TNFAIP2: variants seen among roughly 807,000 people sequenced by gnomAD.
TNFAIP2 encodes tumor necrosis factor alpha-induced protein 2.
Under a neutral mutation model 63.5 loss-of-function variants are expected in TNFAIP2, and 47 were observed. The ratio of observed to expected loss-of-function variants is 0.74; its 90% CI spans 0.59 to 0.94. TNFAIP2 has a LOEUF of 0.94. TNFAIP2 is among the 40% of genes least tolerant of loss of function. TNFAIP2 has a pLI of 0.00. For synonymous variants in TNFAIP2, 405 were observed against 390.2 expected (o/e 1.04, Z -0.45); for missense variants, 787 against 850.2 (o/e 0.93, Z 0.92).
At chr14:103,130,519 C>A in intron 6 of TNFAIP2, 104 bp downstream of exon 6, 1 of 1,071,588 alleles carries the variant, frequency 9.3e-7, no homozygotes, top group South Asian at 1.4e-5. Flanking sequence ...CCGCCCTCTA[C>A]CCCTGTCCCT....
At chr14:103,134,692 A>G (rs2088060461) in intron 11 of TNFAIP2, among the ~76,000 whole-genome samples, 1 of 151,302 alleles carries the variant, frequency 6.6e-6, no homozygotes, top group Non-Finnish European at 1.5e-5. Flanking sequence ...CCATCTACCT[A>G]TGCCACCAAC....
upstream of TNFAIP2, among the ~76,000 whole-genome samples, chr14:103,121,679 C>T (rs1014162462): frequency 6.6e-6 from 1 of 152,246 alleles, no homozygotes; most frequent in Non-Finnish European, 1.5e-5. Flanking sequence ...GCAGCAGCCT[C>T]GTTTCCCAAT....
chr14:103,132,908 G>A (rs771455886), intron 9 of TNFAIP2, 36 bp downstream of exon 9: 3 of 1,611,478 alleles, frequency 1.9e-6, no homozygotes, highest in Non-Finnish European at 1.7e-6. Flanking sequence ...GGGTCTTGGG[G>A]AGTTGGGGGC....
intron 9 of TNFAIP2, 58 bp downstream of exon 9, chr14:103,132,930 G>A (rs763169213): frequency 3.3e-5 from 53 of 1,601,730 alleles, no homozygotes; most frequent in Admixed American, 5.2e-5. Flanking sequence ...GCCCGGACAC[G>A]CACACTAGCA....
Position 103,135,706 on chromosome 14 carries a change from C to T in TNFAIP2, c.*346C>T. On this transcript the variant is annotated 3_prime_UTR_variant, in exon 12 of 12. Transcript: ENST00000560869. This position sits in a 1 kb window ranked among gnomAD's most constrained non-coding sequence, Gnocchi z 7.6. The stretch of plus-strand genomic sequence containing the variant: ...CCCCGGACACCTCTGTCCAGAGCCC[C>T]TCCACAGTCGGCCTCATGACTGTCC... 1 of 1,248,864 alleles carries T rather than the reference C, an allele frequency of 8.0e-7. No homozygotes were observed. The highest frequency in any genetic ancestry group is 1.0e-6 in the Non-Finnish European group (1 of 978,032). The allele number at this position is 1,248,864 out of a possible 1,614,324, so 77.4% of individuals were successfully genotyped here. A position where few individuals can be genotyped will look rare whatever the true frequency, so the allele number is the denominator to read the frequency against.
chr14:103,132,092 C>T (rs968508806), intron 8 of TNFAIP2, among the ~76,000 whole-genome samples: 3 of 151,926 alleles, frequency 2.0e-5, no homozygotes, highest in African/African-American at 4.8e-5. Context: ...CACTGCCCCT[C>T]CCCGATTCAG....
intron 1 of TNFAIP2, among the ~76,000 whole-genome samples, chr14:103,125,633 G>C (rs2087837184): frequency 6.6e-6 from 1 of 152,218 alleles, no homozygotes; most frequent in Non-Finnish European, 1.5e-5. Context: ...AGGCCGCCCT[G>C]TGACTTGCTG....
intron 11 of TNFAIP2, among the ~76,000 whole-genome samples, 181 bp downstream of exon 11, chr14:103,133,984 G>A (rs538390491): frequency 3.9e-5 from 6 of 152,330 alleles, no homozygotes; most frequent in South Asian, 2.1e-4. Context: ...TCCCATTCCC[G>A]TTTCACAGAG....
At chr14:103,126,778 G>GC (rs2087863036) in intron 2 of TNFAIP2, 86 bp downstream of exon 2, 2 of 1,400,068 alleles carry the variant, frequency 1.4e-6, no homozygotes, top group Non-Finnish European at 1.9e-6. Context: ...TGCACAGTGG[G>GC]CCGGCAAGTG....
chr14:103,131,568 T>C lies in TNFAIP2; in HGVS notation c.1299-71T>C. 6.7e-7 allele frequency: 1 copy of C among 1,498,540 alleles called. No homozygotes were observed. Among genetic ancestry groups the C allele is most frequent in the Admixed American group, 2.1e-5 (1 of 47,286 alleles). 92.8% of individuals were successfully genotyped at this position (1,498,540 alleles called of 1,614,324 possible). A position where few individuals can be genotyped will look rare whatever the true frequency, so the allele number is the denominator to read the frequency against. The stretch of plus-strand genomic sequence containing the variant: ...GGGTTCTAGAGTGAAGAGAGGGGGC[T>C]GTCTGGCTCCCTGGGTATGGGGCTA... On this transcript the variant is annotated intron_variant, in intron 7 of 11. Coordinates refer to ENST00000560869, the MANE Select transcript of TNFAIP2 (RefSeq NM_006291.4). The surrounding 1 kb of genome is among the most constrained non-coding windows in gnomAD (Gnocchi z 4.0).
Position 103,136,482 on chromosome 14 carries a change from C to T in TNFAIP2, c.*1122C>T, listed in dbSNP as rs1316913044. The T allele has an allele frequency of 2.0e-5, 3 of 151,990 alleles. No homozygotes were observed. Among genetic ancestry groups the T allele is most frequent in the African/African-American group, 7.3e-5 (3 of 41,134 alleles). 9.4% of individuals were successfully genotyped at this position (151,990 alleles called of 1,614,324 possible). On this transcript the variant is annotated 3_prime_UTR_variant, in exon 12 of 12. Coordinates refer to ENST00000560869, the MANE Select transcript of TNFAIP2 (RefSeq NM_006291.4). ...GGGTAGTTGAATCTTTTTCCCGTCA[C>T]CTCATTGAGGCCTCCCCTCTCCTGC...
rs1339775173 is a variant in TNFAIP2 at position 103,130,108 on chromosome 14, C to G, written c.1082C>G (p.Ala361Gly). 6.2e-7 allele frequency: 1 copy of G among 1,613,036 alleles called. No homozygotes were observed. Among genetic ancestry groups the G allele is most frequent in the East Asian group, 2.2e-5 (1 of 44,858 alleles). ...RLDGHCHSEL[A>G]IDIIQITSQA... is the part of the protein sequence containing the mutation. Reference sequence around the variant, plus strand: ...GACGGCCACTGCCACAGCGAGCTGGCCATCGACATCATCCAGGTACTGCAA... The same window carrying G: ...GACGGCCACTGCCACAGCGAGCTGGGCATCGACATCATCCAGGTACTGCAA... Residue 361 changes from alanine (A) to glycine (G), a missense_variant, in exon 5 of 12, where the codon GCC becomes GGC. Ala to Gly is a moderately conservative substitution (Grantham distance 60). This residue lies in a region of TNFAIP2 where 523 missense variants were observed against 604.1 expected (regional missense o/e 0.87). Transcript: ENST00000560869.
In TNFAIP2 at chr14:103,129,815, G is replaced by C. The variant is rs147670710; in HGVS notation, c.936G>C (p.Gln312His). 42 of 1,614,042 alleles carry C rather than the reference G, an allele frequency of 2.6e-5. No individual in the cohort carries two copies. The African/African-American group carries it at 4.3e-4, about 16-fold the overall frequency. Residue 312 changes from glutamine (Q) to histidine (H), a missense_variant, in exon 4 of 12, where the codon CAG becomes CAC. By Grantham distance (24) the Gln-to-His change is conservative (BLOSUM62 0). Coordinates refer to ENST00000560869, the MANE Select transcript of TNFAIP2 (RefSeq NM_006291.4). ...TCGGGAGCCTCCTGCCCCCCAGGCA[G>C]ATCCGACTGCTGGAGGCCACATTCC... ...MGLGSLLPPR[Q>H]IRLLEATFLS...
At chr14:103,128,296 A>G (rs1393682101) in intron 3 of TNFAIP2, among the ~76,000 whole-genome samples, 1 of 152,064 alleles carries the variant, frequency 6.6e-6, no homozygotes, top group Non-Finnish European at 1.5e-5. Context: ...TTAGACCCCC[A>G]TTGTGTAGGG....
rs1258498270 is a variant in TNFAIP2, at chr14:103,135,216, C to T, written c.1824-3C>T. On this transcript the variant is annotated splice_region_variant and splice_polypyrimidine_tract_variant and intron_variant, in intron 11 of 11. Transcript: ENST00000560869. The surrounding 1 kb of genome is among the most constrained non-coding windows in gnomAD (Gnocchi z 7.6). ...TGGGCTGACAGGATGCTCTCTTTGC[C>T]AGCAAAGGCCACCTGAGCGCTATCC... 1 of 1,613,692 alleles carries T rather than the reference C, an allele frequency of 6.2e-7. No individual in the cohort carries two copies. The highest frequency in any genetic ancestry group is 8.5e-7 in the Non-Finnish European group (1 of 1,180,024).
Position 103,126,295 on chromosome 14 carries a change from A to AC in TNFAIP2, c.-148-10dup. ...GTCCATGGTGACCACTGATGCCTTC[A>AC]CCCCCACCCCGCAGGAGCCTGCAGG... On this transcript the variant is annotated splice_polypyrimidine_tract_variant and intron_variant, in intron 1 of 11. Transcript: ENST00000560869. The AC allele has an allele frequency of 1.7e-6, 1 of 595,510 alleles. No homozygotes were observed. Among genetic ancestry groups the AC allele is most frequent in the Non-Finnish European group, 3.0e-6 (1 of 333,042 alleles). 36.9% of individuals were successfully genotyped at this position (595,510 alleles called of 1,614,324 possible).
rs905034934 is a variant in TNFAIP2, at chr14:103,123,930, C to T, written c.-170C>T. On this transcript the variant is annotated 5_prime_UTR_variant, in exon 1 of 12. Transcript: ENST00000560869. The stretch of plus-strand genomic sequence containing the variant: ...TCCCGGGAGGTGTGTGGACATCAGC[C>T]CTGACGGGGAAGGCGAGCCAGGTCA... 4 of 152,446 alleles carry T rather than the reference C, an allele frequency of 2.6e-5. No homozygotes were observed. Among genetic ancestry groups the T allele is most frequent in the African/African-American group, 9.6e-5 (4 of 41,468 alleles). The allele number at this position is 152,446 out of a possible 1,614,324, so 9.4% of individuals were successfully genotyped here. A position where few individuals can be genotyped will look rare whatever the true frequency, so the allele number is the denominator to read the frequency against.
upstream of TNFAIP2, among the ~76,000 whole-genome samples, chr14:103,122,037 C>T (rs1595269278): frequency 6.6e-6 from 1 of 152,190 alleles, no homozygotes; most frequent in East Asian, 1.9e-4. Context: ...TCCATCTGCG[C>T]GGTGCCGGTG....
At chr14:103,130,160 G>A (rs375005912) in intron 5 of TNFAIP2, 36 bp downstream of exon 5, 21 of 1,597,606 alleles carry the variant, frequency 1.3e-5, no homozygotes, top group South Asian at 5.6e-5. Flanking sequence ...CGTACCGCCC[G>A]TGCACGTGCA....
Sources: allele counts gnomAD v4.1 joint callset (sites outside exome capture counted in the v4.1 genomes callset), GRCh38; gene constraint gnomAD v4.1.1; regional missense constraint gnomAD v4.1.1; non-coding constraint Gnocchi (gnomAD v3.1); transcripts MANE v1.5; gene names NCBI Gene and HGNC (gene_info 2026-07-23, HGNC 2026-07-21).